VPS4B: variants seen among roughly 807,000 people sequenced by gnomAD.
VPS4B encodes vacuolar protein sorting 4 homolog B, also known as vacuolar protein sorting-associated protein 4B.
VPS4B carries 23 observed loss-of-function variants against 56.1 expected under a neutral mutation model. The observed-to-expected ratio is 0.41, with a 90% CI of 0.30 to 0.58. VPS4B has a LOEUF of 0.58. Among genes scored for constraint, VPS4B ranks in the 20% least tolerant of loss-of-function variants. The pLI is 0.29. For missense variants in VPS4B, 372 were observed against 531.9 expected, an observed-to-expected ratio of 0.70 and a Z score of 2.96; for synonymous variants, 177 against 186.0, an observed-to-expected ratio of 0.95 and a Z score of 0.39.
chr18:63,398,091 C>T lies in VPS4B; in HGVS notation c.873-838G>A, dbSNP rs371222087. On this transcript the variant is annotated intron_variant, in intron 8 of 10. Coordinates refer to ENST00000238497, the MANE Select transcript of VPS4B (RefSeq NM_004869.4). Reference sequence around the variant, plus strand: ...TGTGAAGAGTGAAAAGTGAAGAGTCCGTATACCTTTCCTAGAACTGAAGTT... The same window carrying T: ...TGTGAAGAGTGAAAAGTGAAGAGTCTGTATACCTTTCCTAGAACTGAAGTT... Among the ~76,000 whole-genome samples, 102 of 151,468 alleles carry T rather than the reference C, an allele frequency of 6.7e-4. 2 individuals are homozygous for T. The highest frequency in any genetic ancestry group is 2.2e-3 in the African/African-American group (92 of 41,188).
At chr18:63,393,830 G>A (rs920046132) in intron 9 of VPS4B, among the ~76,000 whole-genome samples, 20 of 152,074 alleles carry the variant, frequency 1.3e-4, no homozygotes, top group African/African-American at 4.8e-4. Flanking sequence ...TCCACCTCCT[G>A]GGTTCAAGGG....
intron 1 of VPS4B, among the ~76,000 whole-genome samples, chr18:63,421,037 CAAA>C (rs36083080): frequency 5.8e-5 from 3 of 52,016 alleles, no homozygotes; most frequent in Admixed American, 2.1e-4. Flanking sequence ...GACTCCGTCT[CAAA>C]AAAAAAAAAA....
chr18:63,411,722 A>G (rs1268562209), intron 1 of VPS4B, 144 bp from the exon 2 acceptor site: 1 of 475,688 alleles, frequency 2.1e-6, no homozygotes, highest in Non-Finnish European at 3.5e-6. Flanking sequence ...AGTAAAAAAT[A>G]AACAGTAACT....
chr18:63,422,195 C>G, intron 1 of VPS4B, 38 bp downstream of exon 1: 1 of 1,471,408 alleles, frequency 6.8e-7, no homozygotes, highest in Non-Finnish European at 9.0e-7. Flanking sequence ...TCCCCTCGAT[C>G]CCAGCTCCCT....
chr18:63,401,139 A>AT (rs1482208419), intron 5 of VPS4B, among the ~76,000 whole-genome samples: 1 of 152,200 alleles, frequency 6.6e-6, no homozygotes, highest in African/African-American at 2.4e-5. Flanking sequence ...TTTTCTTTGA[A>AT]TATTTATGCT....
rs375934452 is a variant in VPS4B, at chr18:63,398,412, G to A, written c.872+830C>T. Among the ~76,000 whole-genome samples, 6 of 151,902 alleles carry A rather than the reference G, an allele frequency of 3.9e-5. No homozygotes were observed. In the South Asian group the frequency reaches 6.2e-4, roughly 16 times the overall value. ...TTTTTTGGATTTTAGTAGAGACAGG[G>A]TTTCACCACGTTGCCCAGGGTGGTT... On this transcript the variant is annotated intron_variant, in intron 8 of 10. Coordinates refer to ENST00000238497, the MANE Select transcript of VPS4B (RefSeq NM_004869.4).
intron 5 of VPS4B, among the ~76,000 whole-genome samples, chr18:63,401,105 T>C (rs923131001): frequency 1.3e-5 from 2 of 152,188 alleles, no homozygotes; most frequent in African/African-American, 2.4e-5. Flanking sequence ...ATTATATCCA[T>C]AAAAAATGGG....
chr18:63,402,409 G>C (rs1915831600), intron 5 of VPS4B, among the ~76,000 whole-genome samples: 2 of 152,186 alleles, frequency 1.3e-5, no homozygotes, highest in Non-Finnish European at 2.9e-5. Flanking sequence ...GACCTCTCGG[G>C]AGGAATGAGG....
Position 63,422,232 on chromosome 18 carries a change from C to T in VPS4B, c.27+1G>A, listed in dbSNP as rs777311696. Reference sequence around the variant, plus strand: ...GGGGGACGGGAGATGAGCAATGATACCTGGAGGTTGGGCGAAGTGGATGAC... The same window carrying T: ...GGGGGACGGGAGATGAGCAATGATATCTGGAGGTTGGGCGAAGTGGATGAC... On this transcript the variant is annotated splice_donor_variant, in intron 1 of 10. Coordinates refer to ENST00000238497, the MANE Select transcript of VPS4B (RefSeq NM_004869.4). LOFTEE classifies it high-confidence loss of function. The T allele has an allele frequency of 6.6e-7, 1 of 1,514,124 alleles. No homozygotes were observed. Among genetic ancestry groups the T allele is most frequent in the East Asian group, 2.7e-5 (1 of 37,058 alleles). The allele number at this position is 1,514,124 out of a possible 1,614,324, so 93.8% of individuals were successfully genotyped here.
chr18:63,419,058 A>G (rs1484026617), intron 1 of VPS4B, among the ~76,000 whole-genome samples: 2 of 152,170 alleles, frequency 1.3e-5, no homozygotes, highest in Non-Finnish European at 2.9e-5. Flanking sequence ...TCCCTACCTG[A>G]GTTGGGTACT....
intron 3 of VPS4B, among the ~76,000 whole-genome samples, chr18:63,409,440 A>G (rs1363942538): frequency 6.6e-6 from 1 of 152,186 alleles, no homozygotes; most frequent in African/African-American, 2.4e-5. Flanking sequence ...TCTAAAGCTG[A>G]GCAGAATCTC....
At chr18:63,399,155 G>T in intron 8 of VPS4B, 87 bp downstream of exon 8, 3 of 1,256,610 alleles carry the variant, frequency 2.4e-6, no homozygotes, top group South Asian at 1.3e-5. Context: ...AAAGTTGTTA[G>T]AATGCTTCCT....
intron 1 of VPS4B, among the ~76,000 whole-genome samples, chr18:63,421,545 G>C (rs1469407950): frequency 2.6e-5 from 4 of 152,196 alleles, no homozygotes; most frequent in Admixed American, 6.5e-5. Flanking sequence ...ATTACATTAA[G>C]AAATTTCTTT....
intron 1 of VPS4B, 111 bp downstream of exon 1, chr18:63,422,122 C>T (rs779554038): frequency 1.6e-5 from 20 of 1,234,762 alleles, no homozygotes; most frequent in Non-Finnish European, 2.0e-5. Context: ...CGCCCTCCTG[C>T]GCCTCGACCA....
chr18:63,407,647 ATG>A, intron 3 of VPS4B, 148 bp from the exon 4 acceptor site: 1 of 638,696 alleles, frequency 1.6e-6, no homozygotes, highest in Non-Finnish European at 2.6e-6. Flanking sequence ...ATTTTAAAGA[ATG>A]TAGTAAATAA....
chr18:63,404,687 C>T (rs1915880618), intron 4 of VPS4B: 1 of 152,136 alleles, frequency 6.6e-6, no homozygotes, highest in Non-Finnish European at 1.5e-5. Flanking sequence ...TATGAAGCAG[C>T]CTGTTCTAAG....
At chr18:63,422,010 G>A (rs1177492413) in intron 1 of VPS4B, among the ~76,000 whole-genome samples, 1 of 152,218 alleles carries the variant, frequency 6.6e-6, no homozygotes, top group African/African-American at 2.4e-5. Flanking sequence ...AAAGTGAAGA[G>A]TCTCACAAAG....
intron 1 of VPS4B, among the ~76,000 whole-genome samples, chr18:63,413,872 G>C (rs866354690): frequency 2.6e-5 from 4 of 152,160 alleles, no homozygotes; most frequent in African/African-American, 9.7e-5. Context: ...TATTGTAGCA[G>C]GGAAGAAAAA....
intron 1 of VPS4B, among the ~76,000 whole-genome samples, chr18:63,418,075 T>G (rs1916207374): frequency 6.6e-6 from 1 of 152,304 alleles, no homozygotes; most frequent in Middle Eastern, 3.4e-3. Context: ...AACTGTTCTC[T>G]CCAACCTTTC....
Sources: gnomAD v4.1 joint callset for allele counts (sites outside exome capture counted in the v4.1 genomes callset) on GRCh38, gnomAD v4.1.1 for gene constraint, MANE v1.5 for transcripts, NCBI Gene and HGNC (gene_info 2026-07-23, HGNC 2026-07-21) for gene names.